ANKRD44: variants seen among roughly 807,000 people sequenced by gnomAD.
ANKRD44 encodes serine/threonine-protein phosphatase 6 regulatory ankyrin repeat subunit B.
Under a neutral mutation model 116.0 loss-of-function variants are expected in ANKRD44, and 35 were observed. The observed-to-expected ratio is 0.30, with a 90% confidence interval of 0.23 to 0.40. The LOEUF is 0.40. ANKRD44 is among the 10% of genes least tolerant of loss of function. The probability of loss-of-function intolerance (pLI) is 1.00; values close to 1 mark genes in which losing one functional copy is unlikely to be tolerated. For synonymous variants in ANKRD44, 435 were observed against 461.8 expected (o/e 0.94, Z 0.74); for missense variants, 1,014 against 1,242.6 (o/e 0.82, Z 2.77).
chr2:197,219,172 C>T (rs2081526353), intron 1 of ANKRD44, among the ~76,000 whole-genome samples: 4 of 150,634 alleles, frequency 2.7e-5, no homozygotes, highest in South Asian at 2.1e-4. Flanking sequence ...CAGGTTCAAG[C>T]GATTCTTCTG....
intron 1 of ANKRD44, among the ~76,000 whole-genome samples, chr2:197,214,722 A>G (rs982781230): frequency 6.6e-6 from 1 of 152,198 alleles, no homozygotes; most frequent in Admixed American, 6.5e-5. Flanking sequence ...TGGAATTTTA[A>G]AAGAGTAATT....
chr2:197,083,412 G>A lies in ANKRD44; in HGVS notation c.1414C>T (p.Arg472Cys), dbSNP rs762483495. 1.5e-4 allele frequency: 240 copies of A among 1,613,678 alleles called. No homozygotes were observed. Among genetic ancestry groups the A allele is most frequent in the Non-Finnish European group, 1.9e-4 (229 of 1,179,890 alleles). ...GCAGCGGCGTAATGCAAAGCTGTGC[G>A]TCCCCAGTCATCTGTTTCATTAACG... ...ANVNETDDWGRTALHYAAASD... is the reference protein window; with the variant it reads ...ANVNETDDWGCTALHYAAASD... Residue 472 changes from arginine (R) to cysteine (C), a missense_variant, in exon 14 of 28, where the codon CGC becomes TGC. Arg to Cys is a radical substitution (Grantham distance 180, BLOSUM62 -3). Transcript: ENST00000282272.
intron 2 of ANKRD44, among the ~76,000 whole-genome samples, chr2:197,152,011 A>G (rs937738998): frequency 5.3e-5 from 8 of 152,148 alleles, no homozygotes; most frequent in Admixed American, 2.0e-4. Context: ...TAAAGGTCCT[A>G]TTGGCTCCAG....
At chr2:197,144,753 G>T (rs1474012636) in intron 3 of ANKRD44, among the ~76,000 whole-genome samples, 3 of 152,196 alleles carry the variant, frequency 2.0e-5, no homozygotes, top group Non-Finnish European at 2.9e-5. Flanking sequence ...CAGAGTTGAA[G>T]AGAGGCTGGT....
At chr2:197,164,272 G>A (rs2080045074) in intron 2 of ANKRD44, among the ~76,000 whole-genome samples, 1 of 152,200 alleles carries the variant, frequency 6.6e-6, no homozygotes, top group Non-Finnish European at 1.5e-5. Flanking sequence ...CTGCGTCTGG[G>A]TAGCAAGACC....
chr2:197,266,153 C>G (rs2082735922), intron 1 of ANKRD44, among the ~76,000 whole-genome samples: 1 of 152,000 alleles, frequency 6.6e-6, no homozygotes, highest in African/African-American at 2.4e-5. Flanking sequence ...GCCGCCTGGC[C>G]AGGCTGGAAC....
rs1385980605 is a variant in ANKRD44 at position 197,122,761 on chromosome 2, G to A, written c.582C>T (p.Asn194=). 1.2e-6 allele frequency: 2 copies of A among 1,613,976 alleles called. No individual in the cohort carries two copies. The highest frequency in any genetic ancestry group is 8.5e-7 in the Non-Finnish European group (1 of 1,179,988). ...CCTTACAGGTCACTTCTGCGCCATG[G>A]TTAATGAGCAATGCTACAACATCCA... The part of the protein sequence containing the change: ...GHLDVVALLI[N]HGAEVTCKDK... The change falls in exon 7 of 28, where the codon AAC becomes AAT. Residue 194 remains asparagine, a synonymous_variant. Coordinates refer to ENST00000282272, the MANE Select transcript of ANKRD44 (RefSeq NM_001195144.2).
chr2:197,203,124 C>T lies in ANKRD44; in HGVS notation c.28-16018G>A, dbSNP rs902005436. On this transcript the variant is annotated intron_variant, in intron 1 of 27. Transcript: ENST00000282272. The surrounding 1 kb of genome is among the most constrained non-coding windows in gnomAD (Gnocchi z 4.1). ...CTTCGAAATCCTACTCCTTTGACCC[C>T]ACAGTCCCTCTTCAGGGAGGCTGTC... is the stretch of plus-strand genomic sequence containing the variant. Among the ~76,000 whole-genome samples, 2 of 152,128 alleles carry T rather than the reference C, an allele frequency of 1.3e-5. No homozygotes were observed. The highest frequency in any genetic ancestry group is 2.4e-5 in the African/African-American group (1 of 41,430).
chr2:197,184,966 G>T (rs752830940), intron 2 of ANKRD44, among the ~76,000 whole-genome samples: 5 of 152,176 alleles, frequency 3.3e-5, no homozygotes, highest in Non-Finnish European at 7.3e-5. Flanking sequence ...AGAAATGAAG[G>T]CCATTCAGGG....
intron 16 of ANKRD44, among the ~76,000 whole-genome samples, chr2:197,039,772 A>G (rs2076875657): frequency 6.6e-6 from 1 of 151,814 alleles, no homozygotes; most frequent in African/African-American, 2.4e-5. Flanking sequence ...TATGTTAATC[A>G]GCCCTTATCA....
intron 20 of ANKRD44, 59 bp downstream of exon 20, chr2:197,007,747 A>G: frequency 8.8e-7 from 1 of 1,141,080 alleles, no homozygotes; most frequent in Non-Finnish European, 1.3e-6. Context: ...TGTTTGCTAA[A>G]AAAGAAAACA....
chr2:197,064,032 T>C (rs527645104), intron 16 of ANKRD44, among the ~76,000 whole-genome samples: 1 of 151,982 alleles, frequency 6.6e-6, no homozygotes, highest in Non-Finnish European at 1.5e-5. Context: ...AAGGAAAAAA[T>C]GTTAAGGGCA....
At chr2:197,125,807 G>A (rs761342000) in intron 5 of ANKRD44, 30 bp downstream of exon 5, 75 of 1,608,826 alleles carry the variant, frequency 4.7e-5, no homozygotes, top group South Asian at 7.7e-5. Context: ...TGGAGGGAGC[G>A]TTCCAATTCT....
chr2:197,064,409 C>G (rs926866578), intron 16 of ANKRD44, among the ~76,000 whole-genome samples: 3 of 152,190 alleles, frequency 2.0e-5, no homozygotes, highest in African/African-American at 7.2e-5. Flanking sequence ...AGCAAAATAA[C>G]CAGCTAACAT....
At chr2:197,299,205 A>G (rs1188946592) in intron 1 of ANKRD44, among the ~76,000 whole-genome samples, 1 of 150,020 alleles carries the variant, frequency 6.7e-6, no homozygotes. Context: ...CTTACAATTG[A>G]TTTTTTAAAT....
chr2:197,055,512 C>T (rs1285505639), intron 16 of ANKRD44, among the ~76,000 whole-genome samples: 5 of 152,078 alleles, frequency 3.3e-5, no homozygotes, highest in African/African-American at 1.2e-4. Flanking sequence ...ATTAAAAAAT[C>T]TTTTTCTGTG....
Position 197,001,828 on chromosome 2 carries a change from C to A in ANKRD44, c.2360G>T (p.Cys787Phe). The change falls in exon 22 of 28, where the codon TGT becomes TTT. Residue 787 changes from cysteine to phenylalanine, a missense_variant. Cys to Phe is a radical substitution (Grantham distance 205). Coordinates refer to ENST00000282272, the MANE Select transcript of ANKRD44 (RefSeq NM_001195144.2). Reference sequence around the variant, plus strand: ...TTTTTGCTCCAAAAGTACCTCTATACAGTTTTCATTACCTGCAAGAAATAA... The same window carrying A: ...TTTTTGCTCCAAAAGTACCTCTATAAAGTTTTCATTACCTGCAAGAAATAA... ...HWACYNGNENCIEVLLEQKCF... is the reference protein window; with the variant it reads ...HWACYNGNENFIEVLLEQKCF... 6.2e-7 allele frequency: 1 copy of A among 1,611,412 alleles called. No homozygotes were observed. Among genetic ancestry groups the A allele is most frequent in the Non-Finnish European group, 8.5e-7 (1 of 1,178,680 alleles).
intron 3 of ANKRD44, 106 bp from the exon 4 acceptor site, chr2:197,136,768 A>T: frequency 1.1e-6 from 1 of 895,888 alleles, no homozygotes; most frequent in African/African-American, 1.7e-5. Flanking sequence ...CATAACCACC[A>T]CCTCTTCTTT....
chr2:197,072,623 G>C (rs1396569132), intron 16 of ANKRD44, among the ~76,000 whole-genome samples: 1 of 152,162 alleles, frequency 6.6e-6, no homozygotes, highest in Non-Finnish European at 1.5e-5. Flanking sequence ...TATTTCACTT[G>C]TTCAACAACT....
Sources: allele counts gnomAD v4.1 joint callset (sites outside exome capture counted in the v4.1 genomes callset), GRCh38; gene constraint gnomAD v4.1.1; non-coding constraint Gnocchi (gnomAD v3.1); transcripts MANE v1.5; gene names NCBI Gene and HGNC (gene_info 2026-07-23, HGNC 2026-07-21).